The following PEPD variants were observed in gnomAD, a reference collection of about 807,000 sequenced individuals.
PEPD encodes peptidase D.
PEPD carries 53 observed loss-of-function variants against 60.7 expected under a neutral mutation model. The observed-to-expected ratio is 0.87, with a 90% CI of 0.70 to 1.10. The LOEUF (loss-of-function observed/expected upper bound fraction) is 1.10, where lower values mean the gene tolerates loss of function less well. Among genes scored for constraint, PEPD ranks in the 50% least tolerant of loss-of-function variants. PEPD has a pLI of 0.00. For missense variants in PEPD, 711 were observed against 711.9 expected (o/e 1.00, Z 0.01); for synonymous variants, 267 against 284.1 (o/e 0.94, Z 0.60).
intron 1 of PEPD, among the ~76,000 whole-genome samples, chr19:33,517,389 T>G (rs1600180846): frequency 6.6e-6 from 1 of 151,694 alleles, no homozygotes; most frequent in African/African-American, 2.4e-5. Flanking sequence ...TGAGCCCCTG[T>G]GTCTACTAAA....
Position 33,512,756 on chromosome 19 carries a change from T to A in PEPD, c.38A>T (p.Asn13Ile). ...AATGPSFWLGNETLKVPLALF... is the reference protein window; with the variant it reads ...AATGPSFWLGIETLKVPLALF... ...CGCCAGCGGCACCTTCAGGGTTTCATTCCCCAGCCAAAACGAGGGTCTGCA... is the reference window on the plus strand; with the variant it reads ...CGCCAGCGGCACCTTCAGGGTTTCAATCCCCAGCCAAAACGAGGGTCTGCA... Residue 13 changes from asparagine (N) to isoleucine (I), a missense_variant, in exon 2 of 15, where the codon AAT becomes ATT. Physicochemically the swap from Asn to Ile is moderately radical, Grantham distance 149. Transcript: ENST00000244137. 6.2e-7 allele frequency: 1 copy of A among 1,614,064 alleles called. No homozygotes were observed.
chr19:33,445,130 T>C (rs1262530899), intron 9 of PEPD, among the ~76,000 whole-genome samples: 1 of 152,176 alleles, frequency 6.6e-6, no homozygotes, highest in Non-Finnish European at 1.5e-5. Context: ...GAGGGTTGCT[T>C]CGAGGATTAA....
chr19:33,439,437 A>G (rs1969443031), intron 9 of PEPD, among the ~76,000 whole-genome samples: 1 of 151,458 alleles, frequency 6.6e-6, no homozygotes, highest in South Asian at 2.1e-4. Context: ...CCGAGTAAAG[A>G]CTCCTCCCCT....
chr19:33,410,057 T>A (rs1968728016), intron 11 of PEPD, among the ~76,000 whole-genome samples: 1 of 152,240 alleles, frequency 6.6e-6, no homozygotes, highest in African/African-American at 2.4e-5. Flanking sequence ...CCACCATTTG[T>A]GGGGCTCACT....
At chr19:33,483,559 C>G (rs1426460957) in intron 6 of PEPD, among the ~76,000 whole-genome samples, 1 of 152,164 alleles carries the variant, frequency 6.6e-6, no homozygotes, top group Non-Finnish European at 1.5e-5. Context: ...CCTGTAATCC[C>G]AACAGTTTGG....
chr19:33,436,752 G>A (rs948388668), intron 9 of PEPD, among the ~76,000 whole-genome samples: 7 of 152,216 alleles, frequency 4.6e-5, no homozygotes, highest in East Asian at 3.9e-4. Context: ...CCTGCCTTCC[G>A]GGAGGGCCAG....
chr19:33,420,429 G>A (rs4805886), intron 9 of PEPD, among the ~76,000 whole-genome samples: 1 of 152,010 alleles, frequency 6.6e-6, no homozygotes, highest in Non-Finnish European at 1.5e-5. Context: ...GTGGCCGGGC[G>A]TGGTGGCTGA....
chr19:33,484,463 A>T (rs1020353307), intron 6 of PEPD, among the ~76,000 whole-genome samples: 2 of 152,218 alleles, frequency 1.3e-5, no homozygotes, highest in African/African-American at 4.8e-5. Context: ...ACACAGAGAC[A>T]GGCATACGCT....
Position 33,512,681 on chromosome 19 carries a change from G to A in PEPD, c.113C>T (p.Pro38Leu). The A allele has an allele frequency of 6.2e-7, 1 of 1,614,038 alleles. No individual in the cohort carries two copies. Among genetic ancestry groups the A allele is most frequent in the Non-Finnish European group, 8.5e-7 (1 of 1,179,994 alleles). The change falls in exon 2 of 15, where the codon CCT (proline) becomes CTT (leucine). Residue 38 changes from proline to leucine, a missense_variant. By Grantham distance (98) the Pro-to-Leu change is moderately conservative. Coordinates refer to ENST00000244137, the MANE Select transcript of PEPD (RefSeq NM_000285.4). The stretch of plus-strand genomic sequence containing the variant: ...CACGATGGAGCCGGCCTGCACAGCA[G>A]GGTTCTTCCGCAGCCGCTCACACAG... ...QRLCERLRKN[P>L]AVQAGSIVVL...
chr19:33,422,627 CATCT>C lies in PEPD; in HGVS notation c.672-8988_672-8985del, dbSNP rs112448938. The stretch of plus-strand genomic sequence containing the variant: ...CCCATCCATCCATCCATCCCTCTAT[CATCT>C]ATCTACCTACCTCCTACGTACCTAT... On this transcript the variant is annotated intron_variant, in intron 9 of 14. Coordinates refer to ENST00000244137, the MANE Select transcript of PEPD (RefSeq NM_000285.4). Among the ~76,000 whole-genome samples, 267 of 150,122 alleles carry C rather than the reference CATCT, an allele frequency of 1.8e-3. 1 individual carries two copies. Among genetic ancestry groups the C allele is most frequent in the Non-Finnish European group, 2.9e-3 (195 of 67,418 alleles).
At chr19:33,473,766 G>A (rs1970168276) in intron 7 of PEPD, among the ~76,000 whole-genome samples, 1 of 152,198 alleles carries the variant, frequency 6.6e-6, no homozygotes, top group Admixed American at 6.5e-5. Flanking sequence ...CTCTTTTGAA[G>A]TTTCAACTTT....
At chr19:33,510,895 C>T (rs1030875769) in intron 3 of PEPD, 133 bp downstream of exon 3, 17 of 920,648 alleles carry the variant, frequency 1.8e-5, no homozygotes, top group African/African-American at 3.3e-5. Flanking sequence ...CAGCCCTGAC[C>T]GCATGCCCTT....
intron 7 of PEPD, among the ~76,000 whole-genome samples, chr19:33,470,336 T>A (rs1348575884): frequency 6.6e-6 from 1 of 152,112 alleles, no homozygotes; most frequent in East Asian, 1.9e-4. Context: ...GGCCTCAGGA[T>A]GAAGGTAAAC....
chr19:33,446,221 C>T (rs62100664), intron 9 of PEPD, among the ~76,000 whole-genome samples: 19,806 of 152,106 alleles, frequency 0.13, 1,629 homozygotes, highest in Non-Finnish European at 0.19. Context: ...TCACGGCAGC[C>T]GCCAGACACT....
intron 9 of PEPD, among the ~76,000 whole-genome samples, chr19:33,431,003 T>C (rs1263881794): frequency 2.0e-5 from 3 of 152,006 alleles, no homozygotes; most frequent in African/African-American, 7.3e-5. Flanking sequence ...GGCTCAGCAC[T>C]TTGGGAGGCT....
chr19:33,398,290 C>T lies in PEPD; in HGVS notation c.967+3431G>A, dbSNP rs574741393. ...CCTCACAGGCTGCAAAGCTCTGCTT[C>T]GCCGCTGGGAGGCTCAGCCCCTTGC... is the stretch of plus-strand genomic sequence containing the variant. On this transcript the variant is annotated intron_variant, in intron 12 of 14. Coordinates refer to ENST00000244137, the MANE Select transcript of PEPD (RefSeq NM_000285.4). Among the ~76,000 whole-genome samples, 3 of 152,338 alleles carry T rather than the reference C, an allele frequency of 2.0e-5. No individual in the cohort carries two copies. The East Asian group carries it at 5.8e-4, about 29-fold the overall frequency.
intron 7 of PEPD, among the ~76,000 whole-genome samples, chr19:33,465,289 C>T (rs534488904): frequency 1.3e-5 from 2 of 152,090 alleles, no homozygotes; most frequent in South Asian, 4.1e-4. Flanking sequence ...AACATTACTC[C>T]CCAGTATTCA....
intron 8 of PEPD, among the ~76,000 whole-genome samples, chr19:33,463,756 C>G (rs1418717570): frequency 6.6e-6 from 1 of 152,246 alleles, no homozygotes; most frequent in Non-Finnish European, 1.5e-5. Flanking sequence ...GTGTCCACGA[C>G]TGCATGATGG....
At chr19:33,392,699 A>C (rs1968253712) in intron 12 of PEPD, among the ~76,000 whole-genome samples, 1 of 152,194 alleles carries the variant, frequency 6.6e-6, no homozygotes, top group Admixed American at 6.5e-5. Context: ...GCAGAGCCAG[A>C]GCCTGCTCTG....
Sources: gnomAD v4.1 joint callset for allele counts (sites outside exome capture counted in the v4.1 genomes callset) on GRCh38, gnomAD v4.1.1 for gene constraint, MANE v1.5 for transcripts, NCBI Gene and HGNC (gene_info 2026-07-23, HGNC 2026-07-21) for gene names.